MAP1B: variants seen among roughly 807,000 people sequenced by gnomAD.
The protein encoded by MAP1B is microtubule associated protein 1B.
A neutral mutation model predicts 176.1 loss-of-function variants in MAP1B; 12 were observed. That is an observed-to-expected ratio of 0.07 (90% CI 0.04 to 0.11). MAP1B has a LOEUF of 0.11. Among genes scored for constraint, MAP1B ranks in the 10% least tolerant of loss-of-function variants. The pLI, the probability that MAP1B is intolerant of heterozygous loss-of-function variation, is 1.00. For missense variants in MAP1B, 2,523 were observed against 2,990.5 expected (o/e 0.84, Z 3.65); for synonymous variants, 1,044 against 1,135.0 (o/e 0.92, Z 1.61).
intron 4 of MAP1B, among the ~76,000 whole-genome samples, chr5:72,190,835 C>G (rs1747011307): frequency 6.6e-6 from 1 of 152,216 alleles, no homozygotes; most frequent in Non-Finnish European, 1.5e-5. Flanking sequence ...ATTTCCTCAT[C>G]AGCCAAGCAA....
chr5:72,200,357 C>A lies in MAP1B; in HGVS notation c.7002C>A (p.Thr2334=). 1 of 1,613,564 alleles carries A rather than the reference C, an allele frequency of 6.2e-7. No homozygotes were observed. The highest frequency in any genetic ancestry group is 2.2e-5 in the East Asian group (1 of 44,884). The stretch of plus-strand genomic sequence containing the variant: ...CCTCTGCATCCAAGTCGGCCAAGAC[C>A]GCCACTGCAGGTAGGTTGAGAAGGC... ...ANASASKSAK[T]ATAGPGTTKT... is the part of the protein sequence containing the mutation. Residue 2334 remains threonine (T), a synonymous_variant, in exon 5 of 7, where the codon ACC becomes ACA. Transcript: ENST00000296755.
chr5:72,138,982 G>C (rs1429059768), intron 2 of MAP1B, among the ~76,000 whole-genome samples: 1 of 152,088 alleles, frequency 6.6e-6, no homozygotes, highest in Non-Finnish European at 1.5e-5. Context: ...TTTCAAAAAT[G>C]GTAAGCCAAG....
chr5:72,140,178 G>C (rs551932801), intron 2 of MAP1B, among the ~76,000 whole-genome samples: 1 of 152,174 alleles, frequency 6.6e-6, no homozygotes, highest in South Asian at 2.1e-4. Flanking sequence ...GCCCAGGCTG[G>C]TCTTGAACTC....
At chr5:72,123,471 T>TG (rs1157489755) in intron 2 of MAP1B, among the ~76,000 whole-genome samples, 3 of 116,356 alleles carry the variant, frequency 2.6e-5, no homozygotes, top group East Asian at 2.6e-4. Flanking sequence ...CCAGCTAATT[T>TG]GTTTTTTTTG....
rs540813485 is a variant in MAP1B at position 72,146,351 on chromosome 5, A to G, written c.286+30552A>G. On this transcript the variant is annotated intron_variant, in intron 2 of 6. Coordinates refer to ENST00000296755, the MANE Select transcript of MAP1B (RefSeq NM_005909.5). The stretch of plus-strand genomic sequence containing the variant: ...GATTTCTGTGGGTGAATCATGTCCT[A>G]TGGAGGAGGCCTTGCCTTTCTCAGA... 1.4e-4 allele frequency among the ~76,000 whole-genome samples: 21 copies of G among 152,276 alleles called. 1 individual carries two copies. The South Asian group carries it at 2.9e-3, about 21-fold the overall frequency.
rs1195473350 is a variant in MAP1B at position 72,208,619 on chromosome 5, C to T, written c.*3380C>T. On this transcript the variant is annotated 3_prime_UTR_variant, in exon 7 of 7. Coordinates refer to ENST00000296755, the MANE Select transcript of MAP1B (RefSeq NM_005909.5). ...AGTTCAAAAAAATTTTTTTTCTTAA[C>T]GTTACATATCATAGTGAATGGTTTC... The T allele has an allele frequency of 1.3e-5, 2 of 152,108 alleles. No homozygotes were observed. Among genetic ancestry groups the T allele is most frequent in the African/African-American group, 4.8e-5 (2 of 41,414 alleles). The allele number at this position is 152,108 out of a possible 1,614,324, so 9.4% of individuals were successfully genotyped here.
At chr5:72,111,876 C>T (rs1312228051) in intron 1 of MAP1B, among the ~76,000 whole-genome samples, 2 of 151,964 alleles carry the variant, frequency 1.3e-5, no homozygotes, top group African/African-American at 4.8e-5. Flanking sequence ...ATTATCAATG[C>T]TTTGAAACTA....
At chr5:72,178,577 C>T (rs1340328863) in intron 2 of MAP1B, among the ~76,000 whole-genome samples, 2 of 152,188 alleles carry the variant, frequency 1.3e-5, no homozygotes, top group Non-Finnish European at 2.9e-5. Context: ...AGCCCCTGCC[C>T]ATGCCCTGCC....
intron 2 of MAP1B, among the ~76,000 whole-genome samples, chr5:72,178,973 C>T (rs1746709477): frequency 6.6e-6 from 1 of 152,102 alleles, no homozygotes; most frequent in South Asian, 2.1e-4. Flanking sequence ...ATCCCAACAA[C>T]AGCCAAAAAA....
chr5:72,165,216 C>A (rs1262327395), intron 2 of MAP1B, among the ~76,000 whole-genome samples: 2 of 152,106 alleles, frequency 1.3e-5, no homozygotes, highest in African/African-American at 4.8e-5. Flanking sequence ...TATTTTAATT[C>A]TTTGCCAATC....
At chr5:72,160,125 A>C (rs954988683) in intron 2 of MAP1B, among the ~76,000 whole-genome samples, 5 of 151,696 alleles carry the variant, frequency 3.3e-5, no homozygotes, top group African/African-American at 1.2e-4. Flanking sequence ...TTTCACTTTG[A>C]GCATAAATGG....
chr5:72,183,847 A>G, intron 3 of MAP1B, 22 bp downstream of exon 3: 1 of 1,609,412 alleles, frequency 6.2e-7, no homozygotes. Flanking sequence ...GCTCTGTAGA[A>G]TCTGGGGCCG....
Position 72,194,811 on chromosome 5 carries a change from C to A in MAP1B, c.1456C>A (p.Arg486=). The A allele has an allele frequency of 6.2e-7, 1 of 1,614,154 alleles. No individual in the cohort carries two copies. Among genetic ancestry groups the A allele is most frequent in the Non-Finnish European group, 8.5e-7 (1 of 1,180,018 alleles). The change falls in exon 5 of 7, where the codon CGA becomes AGA. Residue 486 remains arginine, a synonymous_variant. Transcript: ENST00000296755. The surrounding 1 kb of genome is among the most constrained non-coding windows in gnomAD (Gnocchi z 7.2). ...AGCAAACCCTGCGGAGAAAATCATC[C>A]GAGTCCTGTTTCCTGGGAACAGCAC... ...HPANPAEKII[R]VLFPGNSTQY... is the part of the protein sequence containing the mutation.
At chr5:72,173,282 A>T (rs1746581193) in intron 2 of MAP1B, among the ~76,000 whole-genome samples, 1 of 152,150 alleles carries the variant, frequency 6.6e-6, no homozygotes, top group South Asian at 2.1e-4. Flanking sequence ...TGATTTAGAA[A>T]CTGTAAAAAC....
chr5:72,133,192 A>G (rs1015266801), intron 2 of MAP1B, among the ~76,000 whole-genome samples: 2 of 152,182 alleles, frequency 1.3e-5, no homozygotes, highest in African/African-American at 2.4e-5. Flanking sequence ...TCTTTGTACA[A>G]ATATTACAGA....
At chr5:72,113,871 G>A (rs1196839155) in intron 1 of MAP1B, among the ~76,000 whole-genome samples, 1 of 152,146 alleles carries the variant, frequency 6.6e-6, no homozygotes, top group Non-Finnish European at 1.5e-5. Context: ...AACCTGTCAA[G>A]CTCTCTGTGA....
intron 2 of MAP1B, among the ~76,000 whole-genome samples, chr5:72,138,761 G>T (rs1745884499): frequency 6.6e-6 from 1 of 152,084 alleles, no homozygotes; most frequent in South Asian, 2.1e-4. Context: ...GTTCATGAAG[G>T]TATTTTTCAA....
At chr5:72,137,558 TG>T (rs1745859940) in intron 2 of MAP1B, among the ~76,000 whole-genome samples, 1 of 152,240 alleles carries the variant, frequency 6.6e-6, no homozygotes, top group East Asian at 1.9e-4. Context: ...TCTGAAGCTC[TG>T]GTTTGAAGAT....
At chr5:72,132,705 T>C (rs997772670) in intron 2 of MAP1B, among the ~76,000 whole-genome samples, 8 of 152,248 alleles carry the variant, frequency 5.3e-5, no homozygotes, top group Non-Finnish European at 1.2e-4. Context: ...TGTCGTTTCA[T>C]AGTGGCAACG....
Sources: gnomAD v4.1 joint callset for allele counts (sites outside exome capture counted in the v4.1 genomes callset) on GRCh38, gnomAD v4.1.1 for gene constraint, Gnocchi (gnomAD v3.1) non-coding constraint, MANE v1.5 for transcripts, NCBI Gene and HGNC (gene_info 2026-07-23, HGNC 2026-07-21) for gene names.